Variants in CALN1 observed in about 807,000 individuals in gnomAD.
The protein encoded by CALN1 is calcium-binding protein 8.
Under a neutral mutation model 30.6 loss-of-function variants are expected in CALN1, and 17 were observed. The ratio of observed to expected loss-of-function variants is 0.56; its 90% CI spans 0.38 to 0.83. CALN1 has a LOEUF of 0.83. Among genes scored for constraint, CALN1 ranks in the 40% least tolerant of loss-of-function variants. The probability of loss-of-function intolerance (pLI) is 0.00; values close to 1 mark genes in which losing one functional copy is unlikely to be tolerated. For synonymous variants in CALN1, 156 were observed against 131.4 expected (o/e 1.19, Z -1.28); for missense variants, 291 against 354.9 (o/e 0.82, Z 1.45).
intron 5 of CALN1, among the ~76,000 whole-genome samples, chr7:71,872,410 A>ATGTATTGT (rs1791988337): frequency 6.6e-6 from 1 of 152,148 alleles, no homozygotes; most frequent in Non-Finnish European, 1.5e-5. Context: ...TAGTACCAGA[A>ATGTATTGT]TGTATTGTTT....
Position 71,784,694 on chromosome 7 carries a change from A to C in CALN1, c.*3081T>G. ...AGAATGAGCCAACCTGTGTTTGTCA[A>C]TCACTCAGCCTCCACACAGTTGGGC... On this transcript the variant is annotated 3_prime_UTR_variant, in exon 7 of 7. Coordinates refer to ENST00000395275, the MANE Select transcript of CALN1 (RefSeq NM_031468.4). 2.5e-6 allele frequency: 1 copy of C among 397,800 alleles called. No individual in the cohort carries two copies. Among genetic ancestry groups the C allele is most frequent in the Non-Finnish European group, 4.4e-6 (1 of 225,824 alleles). 24.6% of individuals were successfully genotyped at this position (397,800 alleles called of 1,614,324 possible). A position where few individuals can be genotyped will look rare whatever the true frequency, so the allele number is the denominator to read the frequency against.
intron 3 of CALN1, among the ~76,000 whole-genome samples, chr7:72,194,586 T>C (rs1331962597): frequency 2.1e-5 from 3 of 144,296 alleles, no homozygotes; most frequent in Non-Finnish European, 3.0e-5. Context: ...ATCTCCTAAC[T>C]GGCCTCTTTT....
chr7:72,057,163 T>A (rs939784344), intron 4 of CALN1, among the ~76,000 whole-genome samples: 1 of 151,844 alleles, frequency 6.6e-6, no homozygotes, highest in Non-Finnish European at 1.5e-5. Context: ...CCCAGACTAG[T>A]CTTGAACGCC....
At chr7:71,788,488 G>GT (rs1454582383) in intron 6 of CALN1, among the ~76,000 whole-genome samples, 2,059 of 120,460 alleles carry the variant, frequency 0.017, 30 homozygotes, top group Non-Finnish European at 0.021. Flanking sequence ...GTTTTTTTTT[G>GT]TTGTTTTTTT....
At chr7:71,983,476 CAG>C (rs1798506069) in intron 5 of CALN1, among the ~76,000 whole-genome samples, 1 of 152,172 alleles carries the variant, frequency 6.6e-6, no homozygotes, top group Admixed American at 6.5e-5. Context: ...CACATACACA[CAG>C]AGGAAGTGGA....
intron 5 of CALN1, among the ~76,000 whole-genome samples, chr7:71,866,347 T>G (rs1002216553): frequency 6.6e-6 from 1 of 152,066 alleles, no homozygotes; most frequent in African/African-American, 2.4e-5. Flanking sequence ...ATATTACACA[T>G]GCAATATTAT....
Position 72,054,681 on chromosome 7 carries a change from G to A in CALN1, c.389-30912C>T, listed in dbSNP as rs185522522. ...AGGAATAGAAAACCAAATACTGCAT[G>A]TTCTTACTTAGAAGTGGGAGCTAAA... On this transcript the variant is annotated intron_variant, in intron 4 of 6. Coordinates refer to ENST00000395275, the MANE Select transcript of CALN1 (RefSeq NM_031468.4). 2.2e-3 allele frequency among the ~76,000 whole-genome samples: 332 copies of A among 151,790 alleles called. 2 individuals carry two copies. The highest frequency in any genetic ancestry group is 7.6e-3 in the African/African-American group (314 of 41,356).
At chr7:72,140,892 G>A (rs1410292217) in intron 3 of CALN1, among the ~76,000 whole-genome samples, 1 of 152,246 alleles carries the variant, frequency 6.6e-6, no homozygotes, top group Non-Finnish European at 1.5e-5. Context: ...GGGCGCTGGG[G>A]CCTTGCTCTG....
chr7:72,067,869 T>G (rs1443942318), intron 4 of CALN1, among the ~76,000 whole-genome samples: 3 of 152,106 alleles, frequency 2.0e-5, no homozygotes, highest in Non-Finnish European at 4.4e-5. Context: ...CAGGAAGGAG[T>G]CACAGGCAAG....
intron 3 of CALN1, among the ~76,000 whole-genome samples, chr7:72,150,872 TATG>T (rs139046404): frequency 3.2e-3 from 482 of 150,332 alleles, no homozygotes; most frequent in African/African-American, 8.4e-3. Flanking sequence ...GCTGTGATGA[TATG>T]ATGATGATGA....
rs1161598908 is a variant in CALN1, at chr7:72,175,433, T to G, written c.245-69139A>C. On this transcript the variant is annotated intron_variant, in intron 3 of 6. Coordinates refer to ENST00000395275, the MANE Select transcript of CALN1 (RefSeq NM_031468.4). ...AAGTGGGGTAAGAAAGCATGCAATC[T>G]GAGACACGAGTGAAGATTCTTGAGG... Among the ~76,000 whole-genome samples the G allele has an allele frequency of 2.0e-5, 3 of 152,102 alleles. No homozygotes were observed. In the South Asian group the frequency reaches 6.2e-4, roughly 32 times the overall value.
the CALN1 span, among the ~76,000 whole-genome samples, chr7:72,454,316 G>T: frequency 3.3e-5 from 5 of 152,116 alleles, no homozygotes; most frequent in Non-Finnish European, 5.9e-5. Flanking sequence ...GGAGGAGGGA[G>T]ACCATCAGGG....
At chr7:71,963,586 T>C (rs1320570098) in intron 5 of CALN1, among the ~76,000 whole-genome samples, 4 of 152,212 alleles carry the variant, frequency 2.6e-5, no homozygotes. Flanking sequence ...ATTACAGGTA[T>C]GAGCCACCGT....
In CALN1 at chr7:71,846,917, T is replaced by C. The variant is rs1790291882; in HGVS notation, c.502-36425A>G. Reference sequence around the variant, plus strand: ...TGTATATATAATATATACATACATATATGTATATTATATATACATATATGT... The same window carrying C: ...TGTATATATAATATATACATACATACATGTATATTATATATACATATATGT... On this transcript the variant is annotated intron_variant, in intron 5 of 6. Coordinates refer to ENST00000395275, the MANE Select transcript of CALN1 (RefSeq NM_031468.4). Among the ~76,000 whole-genome samples, 5 of 146,584 alleles carry C rather than the reference T, an allele frequency of 3.4e-5. No homozygotes were observed. In the South Asian group the frequency reaches 1.0e-3, roughly 31 times the overall value.
intron 5 of CALN1, among the ~76,000 whole-genome samples, chr7:71,882,507 C>G (rs1792632630): frequency 6.6e-6 from 1 of 152,198 alleles, no homozygotes; most frequent in Non-Finnish European, 1.5e-5. Flanking sequence ...TTAGCTCTAA[C>G]CTTGTCTCTG....
chr7:72,387,970 A>C (rs1277623850), intron 2 of CALN1, among the ~76,000 whole-genome samples: 1 of 152,178 alleles, frequency 6.6e-6, no homozygotes, highest in East Asian at 1.9e-4. Flanking sequence ...TGCACAGTAA[A>C]GTGACTGTAA....
chr7:72,241,384 T>C (rs1794815943), intron 3 of CALN1, among the ~76,000 whole-genome samples: 1 of 152,114 alleles, frequency 6.6e-6, no homozygotes, highest in East Asian at 1.9e-4. Context: ...GAGCACATTC[T>C]GTTTTCCCCC....
chr7:72,243,498 G>A (rs1320196035), intron 3 of CALN1, among the ~76,000 whole-genome samples: 1 of 152,106 alleles, frequency 6.6e-6, no homozygotes, highest in African/African-American at 2.4e-5. Flanking sequence ...TGCTGACCTA[G>A]CAAACCTTAG....
intron 5 of CALN1, among the ~76,000 whole-genome samples, chr7:71,935,659 T>G (rs915768036): frequency 2.6e-5 from 4 of 152,180 alleles, no homozygotes; most frequent in Middle Eastern, 3.4e-3. Flanking sequence ...GGAGGAGAAG[T>G]TGCGGTGAGC....
Sources: gnomAD v4.1 joint callset for allele counts (sites outside exome capture counted in the v4.1 genomes callset) on GRCh38, gnomAD v4.1.1 for gene constraint, MANE v1.5 for transcripts, NCBI Gene and HGNC (gene_info 2026-07-23, HGNC 2026-07-21) for gene names.